The following TECRL variants were observed in gnomAD, a reference collection of about 807,000 sequenced individuals.
TECRL encodes trans-2,3-enoyl-CoA reductase-like.
In TECRL, 63 loss-of-function variants were observed where a neutral mutation model predicts 52.8. The observed-to-expected ratio is 1.19, with a 90% CI of 0.97 to 1.47. TECRL has a LOEUF of 1.47. Among genes scored for constraint, TECRL ranks in the 40% most tolerant of loss-of-function variants. TECRL has a pLI of 0.00. For missense variants in TECRL, 482 were observed against 429.6 expected (o/e 1.12, Z -1.08); for synonymous variants, 164 against 141.9 (o/e 1.16, Z -1.10).
Position 64,312,843 on chromosome 4 carries a change from C to T in TECRL, c.551+1805G>A, listed in dbSNP as rs537970671. On this transcript the variant is annotated intron_variant, in intron 5 of 11. Transcript: ENST00000381210. ...AGAAAACTTTTTTCATGCTCTGCTA[C>T]GTATCTGGTATATGTTACATATTTA... 3.9e-5 allele frequency among the ~76,000 whole-genome samples: 6 copies of T among 151,954 alleles called. No individual in the cohort carries two copies. The East Asian group carries it at 7.7e-4, about 20-fold the overall frequency.
intron 1 of TECRL, among the ~76,000 whole-genome samples, chr4:64,403,713 C>G (rs951920326): frequency 2.0e-5 from 3 of 151,342 alleles, no homozygotes; most frequent in African/African-American, 7.3e-5. Flanking sequence ...CTGAATTCAA[C>G]TCCCATGTGC....
chr4:64,317,273 C>T (rs1317155914), intron 4 of TECRL, among the ~76,000 whole-genome samples: 2 of 150,996 alleles, frequency 1.3e-5, no homozygotes, highest in Non-Finnish European at 2.9e-5. Flanking sequence ...AGCGAGACTC[C>T]GTCTCCAAAA....
chr4:64,366,086 T>C (rs1163891666), intron 2 of TECRL, among the ~76,000 whole-genome samples: 1 of 151,874 alleles, frequency 6.6e-6, no homozygotes, highest in African/African-American at 2.4e-5. Flanking sequence ...GCCACACAAA[T>C]ACAATAATCT....
At chr4:64,351,553 G>A (rs1720389569) in intron 2 of TECRL, among the ~76,000 whole-genome samples, 1 of 152,100 alleles carries the variant, frequency 6.6e-6, no homozygotes, top group Non-Finnish European at 1.5e-5. Context: ...GATTACAAGA[G>A]TGAGTCACTG....
At chr4:64,362,035 C>A (rs973786748) in intron 2 of TECRL, among the ~76,000 whole-genome samples, 1 of 152,112 alleles carries the variant, frequency 6.6e-6, no homozygotes, top group East Asian at 1.9e-4. Flanking sequence ...ATAAAAAATT[C>A]ACTACAGGAA....
intron 2 of TECRL, among the ~76,000 whole-genome samples, chr4:64,346,651 G>C (rs1720009232): frequency 6.6e-6 from 1 of 152,228 alleles, no homozygotes; most frequent in Non-Finnish European, 1.5e-5. Flanking sequence ...CCCTGGGCCA[G>C]GCCCACAGAA....
At chr4:64,345,405 A>G (rs1364997074) in intron 2 of TECRL, among the ~76,000 whole-genome samples, 1 of 151,986 alleles carries the variant, frequency 6.6e-6, no homozygotes, top group Non-Finnish European at 1.5e-5. Flanking sequence ...TTGTAGGGAC[A>G]TGGATGAAGC....
intron 1 of TECRL, among the ~76,000 whole-genome samples, chr4:64,399,258 A>G (rs1010494821): frequency 1.3e-5 from 2 of 152,192 alleles, no homozygotes; most frequent in Admixed American, 1.3e-4. Flanking sequence ...CAAGATGCAC[A>G]CTGGCTACTT....
At chr4:64,375,402 T>C (rs1722328587) in intron 1 of TECRL, among the ~76,000 whole-genome samples, 179 bp from the exon 2 acceptor site, 1 of 151,972 alleles carries the variant, frequency 6.6e-6, no homozygotes, top group African/African-American at 2.4e-5. Context: ...AGTAACAATA[T>C]AATTTTTTAA....
intron 5 of TECRL, among the ~76,000 whole-genome samples, chr4:64,313,655 G>A (rs966896685): frequency 6.7e-6 from 1 of 149,536 alleles, no homozygotes; most frequent in Non-Finnish European, 1.5e-5. Flanking sequence ...CTAATTTTTT[G>A]TATTTTTAGT....
chr4:64,321,341 G>A lies in TECRL; in HGVS notation c.435+1348C>T, dbSNP rs1717888147. ...ACTTACAAAAATTGGTTGTTTAATT[G>A]TAAAGAAACAGCTCAAATCACTATG... On this transcript the variant is annotated intron_variant, in intron 4 of 11. Transcript: ENST00000381210. Among the ~76,000 whole-genome samples the A allele has an allele frequency of 2.0e-5, 3 of 151,958 alleles. No homozygotes were observed. The South Asian group carries it at 6.2e-4, about 31-fold the overall frequency.
chr4:64,396,394 G>A (rs1045742678), intron 1 of TECRL, among the ~76,000 whole-genome samples: 2 of 151,906 alleles, frequency 1.3e-5, no homozygotes, highest in African/African-American at 2.4e-5. Context: ...TCTCATTGTG[G>A]ATTTGATTAG....
chr4:64,327,443 G>C (rs1413519449), intron 3 of TECRL, among the ~76,000 whole-genome samples: 2 of 152,092 alleles, frequency 1.3e-5, no homozygotes, highest in Non-Finnish European at 2.9e-5. Flanking sequence ...TTGTGTAAGA[G>C]TCAATTTCAT....
intron 8 of TECRL, among the ~76,000 whole-genome samples, chr4:64,296,594 G>T (rs1029934043): frequency 4.0e-5 from 6 of 151,532 alleles, no homozygotes; most frequent in Non-Finnish European, 7.4e-5. Context: ...TTCCTTTTTG[G>T]TAAAATCCTC....
rs1361327793 is a variant in TECRL, at chr4:64,359,390, C to T, written c.286+15782G>A. ...AATTGTAAATGCCATTATACTGTGG[C>T]ATATTCAAATAGAATAAATGATTCT... is the stretch of plus-strand genomic sequence containing the variant. On this transcript the variant is annotated intron_variant, in intron 2 of 11. Coordinates refer to ENST00000381210, the MANE Select transcript of TECRL (RefSeq NM_001010874.5). 2.6e-5 allele frequency among the ~76,000 whole-genome samples: 4 copies of T among 152,040 alleles called. 1 individual carries two copies. Among genetic ancestry groups the T allele is most frequent in the Admixed American group, 2.6e-4 (4 of 15,234 alleles).
In TECRL at chr4:64,325,437, C is replaced by T. The variant is rs368133841; in HGVS notation, c.332-2645G>A. On this transcript the variant is annotated intron_variant, in intron 3 of 11. Transcript: ENST00000381210. ...AGTGGCTTTTTGTCAAGAGTCTTCA[C>T]ATGAGAATTCAGTTCAGTCAACACT... is the stretch of plus-strand genomic sequence containing the variant. Among the ~76,000 whole-genome samples the T allele has an allele frequency of 4.6e-4, 70 of 152,250 alleles. No homozygotes were observed. In the South Asian group the frequency reaches 1.0e-2, roughly 22 times the overall value.
At chr4:64,407,431 T>C (rs1185020986) in intron 1 of TECRL, among the ~76,000 whole-genome samples, 1 of 151,858 alleles carries the variant, frequency 6.6e-6, no homozygotes, top group Non-Finnish European at 1.5e-5. Context: ...TCAAATAAAA[T>C]ATGAATAAGA....
At chr4:64,284,179 C>A (rs1248067773) in intron 9 of TECRL, among the ~76,000 whole-genome samples, 1 of 151,982 alleles carries the variant, frequency 6.6e-6, no homozygotes, top group African/African-American at 2.4e-5. Context: ...GTAAATATCC[C>A]TCTAAGATTG....
intron 1 of TECRL, among the ~76,000 whole-genome samples, chr4:64,400,848 C>A (rs779892282): frequency 6.6e-6 from 1 of 152,148 alleles, no homozygotes; most frequent in Non-Finnish European, 1.5e-5. Context: ...GTACAGCCTG[C>A]AGAACTGTGA....
Sources: allele counts gnomAD v4.1 joint callset (sites outside exome capture counted in the v4.1 genomes callset), GRCh38; gene constraint gnomAD v4.1.1; transcripts MANE v1.5; gene names NCBI Gene and HGNC (gene_info 2026-07-23, HGNC 2026-07-21).